GPHN: variants seen among roughly 807,000 people sequenced by gnomAD.
The protein encoded by GPHN is gephyrin.
In GPHN, 17 loss-of-function variants were observed where a neutral mutation model predicts 95.5. That is an observed-to-expected ratio of 0.18 (90% CI 0.12 to 0.27). The LOEUF (loss-of-function observed/expected upper bound fraction) is 0.27, where lower values mean the gene tolerates loss of function less well. Among genes scored for constraint, GPHN ranks in the 10% least tolerant of loss-of-function variants. GPHN has a pLI of 1.00. For synonymous variants in GPHN, 320 were observed against 322.5 expected (o/e 0.99, Z 0.08); for missense variants, 660 against 978.1 (o/e 0.67, Z 4.34).
chr14:67,577,607 T>C, the GPHN span, among the ~76,000 whole-genome samples: 1 of 152,172 alleles, frequency 6.6e-6, no homozygotes, highest in Non-Finnish European at 1.5e-5. Context: ...TGGAACGTCA[T>C]GCACAAGTCC....
chr14:67,025,217 T>C (rs1674436428), intron 10 of GPHN, among the ~76,000 whole-genome samples: 2 of 152,196 alleles, frequency 1.3e-5, no homozygotes, highest in African/African-American at 4.8e-5. Context: ...TTATCCTTGG[T>C]AAAAATCTGT....
intron 15 of GPHN, 139 bp downstream of exon 15, chr14:67,112,058 A>G: frequency 1.4e-6 from 1 of 722,644 alleles, no homozygotes; most frequent in Non-Finnish European, 2.5e-6. Flanking sequence ...AGCAAAATGA[A>G]TGTTATGAAT....
intron 2 of GPHN, among the ~76,000 whole-genome samples, chr14:66,696,158 C>G (rs1347195291): frequency 6.6e-6 from 1 of 152,138 alleles, no homozygotes; most frequent in Non-Finnish European, 1.5e-5. Flanking sequence ...CCTAAAGATG[C>G]TATGAATTTC....
the GPHN span, among the ~76,000 whole-genome samples, chr14:67,595,111 T>G: frequency 6.6e-6 from 1 of 151,588 alleles, no homozygotes; most frequent in African/African-American, 2.4e-5. Context: ...CACTCCAGCC[T>G]GGGTGACAGA....
At chr14:67,521,322 T>C in the GPHN span, among the ~76,000 whole-genome samples, 2 of 152,100 alleles carry the variant, frequency 1.3e-5, no homozygotes, top group Non-Finnish European at 2.9e-5. Flanking sequence ...AATGCAAAAG[T>C]TTACTAAGGA....
At chr14:67,237,718 G>A in the GPHN span, among the ~76,000 whole-genome samples, 1 of 152,158 alleles carries the variant, frequency 6.6e-6, no homozygotes, top group African/African-American at 2.4e-5. Flanking sequence ...GACAAGATGA[G>A]GAAGAAGGGA....
intron 8 of GPHN, among the ~76,000 whole-genome samples, chr14:66,928,343 A>G (rs564402712): frequency 1.3e-5 from 2 of 152,260 alleles, no homozygotes; most frequent in Admixed American, 6.5e-5. Flanking sequence ...CTGTAATGAT[A>G]CTTTGAATTT....
the GPHN span, among the ~76,000 whole-genome samples, chr14:67,559,988 G>T: frequency 6.6e-6 from 1 of 152,052 alleles, no homozygotes; most frequent in South Asian, 2.1e-4. Flanking sequence ...GCCCACACAG[G>T]CCAGTGTCCA....
the GPHN span, among the ~76,000 whole-genome samples, chr14:67,340,872 C>T: frequency 6.6e-5 from 10 of 152,122 alleles, no homozygotes; most frequent in African/African-American, 1.4e-4. Flanking sequence ...GACGGGGTTT[C>T]GCTGTGTTGG....
intron 1 of GPHN, among the ~76,000 whole-genome samples, chr14:66,677,870 G>A (rs10129692): frequency 0.34 from 51,531 of 151,938 alleles, 13,108 homozygotes; most frequent in African/African-American, 0.69. Context: ...TGGGTATAGT[G>A]TTATTAATCA....
chr14:67,217,988 T>C, the GPHN span, among the ~76,000 whole-genome samples: 1 of 152,120 alleles, frequency 6.6e-6, no homozygotes, highest in African/African-American at 2.4e-5. Context: ...GTGGGTTGCA[T>C]TGGCTTTGGT....
At chr14:66,805,370 A>T (rs1003757138) in intron 3 of GPHN, among the ~76,000 whole-genome samples, 6 of 152,136 alleles carry the variant, frequency 3.9e-5, no homozygotes, top group East Asian at 1.9e-4. Flanking sequence ...AAACCATATC[A>T]TTTCACCCCT....
intron 1 of GPHN, among the ~76,000 whole-genome samples, chr14:66,610,857 C>G (rs981342160): frequency 6.6e-6 from 1 of 152,086 alleles, no homozygotes; most frequent in African/African-American, 2.4e-5. Flanking sequence ...TCTGGCTAAA[C>G]TCACCTAGAA....
At chr14:66,916,975 G>C (rs1302124026) in intron 6 of GPHN, among the ~76,000 whole-genome samples, 1 of 152,168 alleles carries the variant, frequency 6.6e-6, no homozygotes, top group East Asian at 1.9e-4. Flanking sequence ...GCAGTGTAGG[G>C]TGTGGATATA....
the GPHN span, among the ~76,000 whole-genome samples, chr14:67,417,699 G>A: frequency 1.3e-5 from 2 of 151,938 alleles, no homozygotes; most frequent in Non-Finnish European, 2.9e-5. Flanking sequence ...CCAAAGTGTT[G>A]GGGTTATAGG....
chr14:66,906,639 G>C lies in GPHN; in HGVS notation c.390-9364G>C, dbSNP rs538242763. The stretch of plus-strand genomic sequence containing the variant: ...TTCTCTGTGCTGTTCATTTGCTTTT[G>C]GTTTCCTGTTGAGAGGAGTGAAGTC... On this transcript the variant is annotated intron_variant, in intron 5 of 22. Transcript: ENST00000478722. 1.3e-4 allele frequency among the ~76,000 whole-genome samples: 20 copies of C among 152,170 alleles called. No homozygotes were observed. In the South Asian group the frequency reaches 4.1e-3, roughly 32 times the overall value.
chr14:66,631,183 G>T (rs2063788758), intron 1 of GPHN, among the ~76,000 whole-genome samples: 1 of 151,952 alleles, frequency 6.6e-6, no homozygotes, highest in East Asian at 1.9e-4. Flanking sequence ...TGAGTAGCTG[G>T]GATAACAGGC....
the GPHN span, among the ~76,000 whole-genome samples, chr14:67,252,525 A>C: frequency 5.3e-5 from 8 of 152,192 alleles, no homozygotes; most frequent in African/African-American, 1.9e-4. Flanking sequence ...TGTGAAGTAC[A>C]GGAGGCCCAA....
the GPHN span, among the ~76,000 whole-genome samples, chr14:67,477,530 T>TC: frequency 2.0e-5 from 3 of 152,246 alleles, no homozygotes; most frequent in Non-Finnish European, 4.4e-5. Flanking sequence ...AGAATTTCTG[T>TC]CCCCGGCCAG....
Sources: gnomAD v4.1 joint callset for allele counts (sites outside exome capture counted in the v4.1 genomes callset) on GRCh38, gnomAD v4.1.1 for gene constraint, MANE v1.5 for transcripts, NCBI Gene and HGNC (gene_info 2026-07-23, HGNC 2026-07-21) for gene names.